Variants in MGAT4C observed in about 807,000 individuals in gnomAD.
The protein encoded by MGAT4C is alpha-1,3-mannosyl-glycoprotein 4-beta-N-acetylglucosaminyltransferase C.
A neutral mutation model predicts 40.1 loss-of-function variants in MGAT4C; 19 were observed. The ratio of observed to expected loss-of-function variants is 0.47; its 90% CI spans 0.33 to 0.70. The LOEUF is 0.70. Ranked by LOEUF, MGAT4C falls within the 30% of genes least tolerant of loss-of-function variation. The pLI, the probability that MGAT4C is intolerant of heterozygous loss-of-function variation, is 0.02. For synonymous variants in MGAT4C, 181 were observed against 187.1 expected, an observed-to-expected ratio of 0.97 and a Z score of 0.27; for missense variants, 491 against 563.2, an observed-to-expected ratio of 0.87 and a Z score of 1.30.
intron 1 of MGAT4C, among the ~76,000 whole-genome samples, chr12:86,767,796 G>T (rs1230082380): frequency 6.6e-6 from 1 of 152,210 alleles, no homozygotes; most frequent in African/African-American, 2.4e-5. Context: ...TGCAGAAAAG[G>T]CCTTTGACAA....
At chr12:86,326,869 C>A (rs1460513489) in intron 4 of MGAT4C, among the ~76,000 whole-genome samples, 1 of 151,934 alleles carries the variant, frequency 6.6e-6, no homozygotes, top group Non-Finnish European at 1.5e-5. Flanking sequence ...ACTCTTTAAA[C>A]AATAATAACA....
At chr12:86,325,819 A>G (rs757992904) in intron 4 of MGAT4C, among the ~76,000 whole-genome samples, 17 of 152,090 alleles carry the variant, frequency 1.1e-4, no homozygotes, top group Non-Finnish European at 2.2e-4. Flanking sequence ...CGAGGCTGCA[A>G]TGAGCAGTGA....
At chr12:86,179,487 A>T (rs937502941) in intron 1 of MGAT4C, among the ~76,000 whole-genome samples, 2 of 152,200 alleles carry the variant, frequency 1.3e-5, no homozygotes, top group Non-Finnish European at 2.9e-5. Context: ...AAGACAGGAC[A>T]ATGTGGGAAA....
intron 3 of MGAT4C, among the ~76,000 whole-genome samples, chr12:86,367,613 C>G (rs1011833774): frequency 2.0e-5 from 3 of 152,128 alleles, no homozygotes; most frequent in African/African-American, 7.2e-5. Flanking sequence ...TCCTCACTAA[C>G]ACGGTGAAAC....
intron 4 of MGAT4C, among the ~76,000 whole-genome samples, chr12:86,273,269 G>GTATC (rs1952992943): frequency 6.6e-6 from 1 of 151,964 alleles, no homozygotes. Context: ...TGATTTTCCT[G>GTATC]TATCTTAGAC....
At chr12:85,988,195 C>T (rs1290648547) in intron 3 of MGAT4C, among the ~76,000 whole-genome samples, 1 of 152,054 alleles carries the variant, frequency 6.6e-6, no homozygotes, top group Non-Finnish European at 1.5e-5. Flanking sequence ...CATTAAGGGT[C>T]CACAACATCA....
intron 3 of MGAT4C, among the ~76,000 whole-genome samples, chr12:86,433,576 C>T (rs1957083481): frequency 1.3e-5 from 2 of 151,718 alleles, no homozygotes; most frequent in Non-Finnish European, 2.9e-5. Context: ...TTTTTTTCCC[C>T]TCAGCTCCCC....
At chr12:86,273,791 G>A (rs150780149) in intron 4 of MGAT4C, among the ~76,000 whole-genome samples, 4 of 152,266 alleles carry the variant, frequency 2.6e-5, no homozygotes, top group African/African-American at 9.6e-5. Flanking sequence ...AGGGCCTAGT[G>A]ATGAAACCCC....
intron 2 of MGAT4C, among the ~76,000 whole-genome samples, chr12:86,440,198 T>C (rs1460421995): frequency 1.3e-5 from 2 of 152,042 alleles, no homozygotes; most frequent in African/African-American, 4.8e-5. Flanking sequence ...CAGACCAACA[T>C]TCCTGATGAA....
chr12:86,347,800 T>A lies in MGAT4C; in HGVS notation c.-119-13673A>T, dbSNP rs529730374. On this transcript the variant is annotated intron_variant, in intron 3 of 7. Coordinates refer to the MGAT4C transcript ENST00000548651. ...TTCCTAGCCAACAATTCCTGACACT[T>A]TTATTACAAAAGCATTAAAGTAAAA... 2.7e-3 allele frequency among the ~76,000 whole-genome samples: 405 copies of A among 152,272 alleles called. 2 individuals carry two copies. Among genetic ancestry groups the A allele is most frequent in the Non-Finnish European group, 4.7e-3 (323 of 68,016 alleles).
At chr12:86,483,967 G>C (rs1957977459) in intron 2 of MGAT4C, among the ~76,000 whole-genome samples, 1 of 151,598 alleles carries the variant, frequency 6.6e-6, no homozygotes, top group South Asian at 2.1e-4. Context: ...AAACACTGTG[G>C]CTAAAGAGCA....
chr12:86,753,113 C>T (rs1390105174), intron 1 of MGAT4C, among the ~76,000 whole-genome samples: 1 of 152,064 alleles, frequency 6.6e-6, no homozygotes, highest in African/African-American at 2.4e-5. Context: ...CTGAAAAGCC[C>T]CCCAAAGTCT....
chr12:86,713,981 G>A (rs1297599823), intron 2 of MGAT4C, among the ~76,000 whole-genome samples: 1 of 152,120 alleles, frequency 6.6e-6, no homozygotes, highest in Non-Finnish European at 1.5e-5. Flanking sequence ...CACATAGTAT[G>A]TTTTATTGCA....
At chr12:86,668,690 T>G (rs1964175028) in intron 2 of MGAT4C, among the ~76,000 whole-genome samples, 1 of 152,168 alleles carries the variant, frequency 6.6e-6, no homozygotes. Context: ...CAGCCAGAAC[T>G]GTGGAAGGTG....
At chr12:86,457,168 GAATTT>G (rs1165414402) in intron 2 of MGAT4C, among the ~76,000 whole-genome samples, 1 of 151,976 alleles carries the variant, frequency 6.6e-6, no homozygotes, top group Non-Finnish European at 1.5e-5. Context: ...TTGTGTCATT[GAATTT>G]AATATATCAT....
At position 86,796,643 on chromosome 12, in the gene MGAT4C, T is replaced by TA. The variant is rs1952128716; in HGVS notation, c.-262+42022dup. 2.6e-5 allele frequency among the ~76,000 whole-genome samples: 4 copies of TA among 151,942 alleles called. No individual in the cohort carries two copies. The South Asian group carries it at 8.3e-4, about 31-fold the overall frequency. ...CATGGTGACTATAGTTAACAATATA[T>TA]AGCATTCTTGAAAAATGTTAAGAGA... On this transcript the variant is annotated intron_variant, in intron 1 of 7. Coordinates refer to the MGAT4C transcript ENST00000548651.
At chr12:86,091,377 A>G (rs556745791) in intron 1 of MGAT4C, among the ~76,000 whole-genome samples, 3 of 152,072 alleles carry the variant, frequency 2.0e-5, no homozygotes, top group African/African-American at 7.2e-5. Flanking sequence ...TAACATTACC[A>G]TGAGAATACT....
intron 2 of MGAT4C, among the ~76,000 whole-genome samples, chr12:86,440,685 T>A (rs1185665079): frequency 6.6e-6 from 1 of 152,006 alleles, no homozygotes; most frequent in Non-Finnish European, 1.5e-5. Context: ...GGAAGTCAAC[T>A]TATCTGTTTG....
At chr12:86,342,135 A>C (rs1444565284) in intron 3 of MGAT4C, among the ~76,000 whole-genome samples, 1 of 151,898 alleles carries the variant, frequency 6.6e-6, no homozygotes, top group African/African-American at 2.4e-5. Flanking sequence ...ACCTCCCTGA[A>C]ACAAAGCTCC....
Sources: allele counts gnomAD v4.1 joint callset (sites outside exome capture counted in the v4.1 genomes callset), GRCh38; gene constraint gnomAD v4.1.1; transcripts MANE v1.5; gene names NCBI Gene and HGNC (gene_info 2026-07-23, HGNC 2026-07-21).